The following ETFB variants were observed in gnomAD, a reference collection of about 807,000 sequenced individuals.
ETFB encodes the protein beta-ETF.
Under a neutral mutation model 25.6 loss-of-function variants are expected in ETFB, and 20 were observed. The ratio of observed to expected loss-of-function variants is 0.78; its 90% CI spans 0.55 to 1.14. The LOEUF (loss-of-function observed/expected upper bound fraction) is 1.14, where lower values mean the gene tolerates loss of function less well. ETFB is among the 50% of genes most tolerant of loss of function. ETFB has a pLI of 0.00. For synonymous variants in ETFB, 142 were observed against 146.7 expected, an observed-to-expected ratio of 0.97 and a Z score of 0.23; for missense variants, 286 against 342.6, an observed-to-expected ratio of 0.83 and a Z score of 1.30.
intron 3 of ETFB, 146 bp downstream of exon 3, chr19:51,352,986 A>G: frequency 1.0e-6 from 1 of 964,712 alleles, no homozygotes; most frequent in Non-Finnish European, 1.6e-6. Context: ...ACTCTCTGTC[A>G]GAAGGGTCAG....
At chr19:51,355,380 A>G (rs1292659917) in intron 1 of ETFB, 1 of 152,284 alleles carries the variant, frequency 6.6e-6, no homozygotes, top group Non-Finnish European at 1.5e-5. Context: ...TGCAAATCAA[A>G]ATCACAATGA....
chr19:51,349,974 T>C (rs1175119294), intron 4 of ETFB, among the ~76,000 whole-genome samples: 2 of 152,150 alleles, frequency 1.3e-5, no homozygotes, highest in Non-Finnish European at 2.9e-5. Context: ...CTCAAACTCC[T>C]CCTGACCTCA....
At chr19:51,350,507 C>T (rs1397212084) in intron 3 of ETFB, 116 bp from the exon 4 acceptor site, 13 of 662,628 alleles carry the variant, frequency 2.0e-5, no homozygotes, top group African/African-American at 3.6e-5. Context: ...CTTTTTGAGA[C>T]GGAGTCTTGC....
intron 1 of ETFB, among the ~76,000 whole-genome samples, chr19:51,363,019 A>C (rs1398043924): frequency 6.6e-6 from 1 of 152,158 alleles, no homozygotes; most frequent in East Asian, 1.9e-4. Context: ...CCACTCAGTT[A>C]GGTTGGCTCC....
At position 51,353,118 on chromosome 19, in the gene ETFB, C is replaced by A. The variant is rs757521352; in HGVS notation, c.375+14G>T. ...GATGAGCAAGGGGGCACAGGGAGGG[C>A]TGACCACAGCTACCTGTTTGCCCAG... On this transcript the variant is annotated intron_variant, in intron 3 of 5. Transcript: ENST00000309244. 6.2e-7 allele frequency: 1 copy of A among 1,613,774 alleles called. No homozygotes were observed. Among genetic ancestry groups the A allele is most frequent in the South Asian group, 1.1e-5 (1 of 91,090 alleles).
intron 4 of ETFB, among the ~76,000 whole-genome samples, chr19:51,349,637 G>T (rs898310466): frequency 1.3e-5 from 2 of 152,024 alleles, no homozygotes; most frequent in Non-Finnish European, 2.9e-5. Context: ...TAGAGATGGG[G>T]TCTAACTATG....
At chr19:51,358,809 AAAACAAAC>A (rs1252265256) in intron 1 of ETFB, among the ~76,000 whole-genome samples, 13 of 145,804 alleles carry the variant, frequency 8.9e-5, no homozygotes, top group Non-Finnish European at 1.8e-4. Context: ...ACTCCGCCTC[AAAACAAAC>A]AAACAAACAA....
At chr19:51,357,488 T>A in intron 1 of ETFB, among the ~76,000 whole-genome samples, 1 of 120,312 alleles carries the variant, frequency 8.3e-6, no homozygotes, top group South Asian at 3.0e-4. Context: ...TTTTCTTTCT[T>A]TCTTTTTTTT....
chr19:51,366,193 C>T, intron 1 of ETFB, 77 bp downstream of exon 1: 1 of 1,424,520 alleles, frequency 7.0e-7, no homozygotes, highest in African/African-American at 1.4e-5. Flanking sequence ...GAGAAGACCC[C>T]CACCCAGTGT....
At chr19:51,362,403 C>T (rs1354034968) in intron 1 of ETFB, among the ~76,000 whole-genome samples, 1 of 151,876 alleles carries the variant, frequency 6.6e-6, no homozygotes, top group African/African-American at 2.4e-5. Context: ...CATAGCAAAA[C>T]CTCGTTTCTA....
intron 1 of ETFB, among the ~76,000 whole-genome samples, chr19:51,363,252 G>A (rs1288222426): frequency 6.6e-6 from 1 of 152,088 alleles, no homozygotes; most frequent in Admixed American, 6.6e-5. Flanking sequence ...CCTCTCTGCA[G>A]GGAGCTACCA....
At position 51,353,372 on chromosome 19, in the gene ETFB, AC is replaced by A. The variant is rs1354918964; in HGVS notation, c.217-83del. ...TGGCTCGCAGCCCCTCCTTCCTCAG[AC>A]CCAGGAGTCCAGGGCCCCATCCCCT... is the stretch of plus-strand genomic sequence containing the variant. On this transcript the variant is annotated intron_variant, in intron 2 of 5. Coordinates refer to ENST00000309244, the MANE Select transcript of ETFB (RefSeq NM_001985.3). 1.1e-5 allele frequency: 15 copies of A among 1,358,942 alleles called. 1 individual carries two copies. Among genetic ancestry groups the A allele is most frequent in the Non-Finnish European group, 1.4e-5 (14 of 996,108 alleles). The allele number at this position is 1,358,942 out of a possible 1,614,324, so 84.2% of individuals were successfully genotyped here.
Position 51,345,347 on chromosome 19 carries a change from G to A in ETFB, c.632C>T (p.Pro211Leu). Residue 211 changes from proline to leucine, a missense_variant, in exon 6 of 6, where the codon CCT (proline) becomes CTT (leucine). By Grantham distance (98) the Pro-to-Leu change is moderately conservative (BLOSUM62 -3). Coordinates refer to ENST00000309244, the MANE Select transcript of ETFB (RefSeq NM_001985.3). ...GGTCAGGTCCACACCCAGGTCCCCA[G>A]GCTTGATCACCTCGATCTTCTTCTT... is the stretch of plus-strand genomic sequence containing the variant. The part of the protein sequence containing the change: ...AKKKKIEVIK[P>L]GDLGVDLTSK... 1 of 1,614,074 alleles carries A rather than the reference G, an allele frequency of 6.2e-7. No individual in the cohort carries two copies. The highest frequency in any genetic ancestry group is 8.5e-7 in the Non-Finnish European group (1 of 1,180,002).
intron 1 of ETFB, among the ~76,000 whole-genome samples, chr19:51,364,927 A>G (rs1986316315): frequency 6.6e-6 from 1 of 152,162 alleles, no homozygotes; most frequent in South Asian, 2.1e-4. Flanking sequence ...GGTGGCTCAC[A>G]CCTGTAATCC....
At chr19:51,349,417 A>G (rs1434794123) in intron 4 of ETFB, among the ~76,000 whole-genome samples, 2 of 151,528 alleles carry the variant, frequency 1.3e-5, no homozygotes, top group African/African-American at 4.8e-5. Flanking sequence ...TAGCTGTGAA[A>G]AATTTTAAAT....
chr19:51,360,462 A>G (rs575366640), intron 1 of ETFB, among the ~76,000 whole-genome samples: 88 of 152,252 alleles, frequency 5.8e-4, no homozygotes, highest in African/African-American at 2.0e-3. Context: ...CCATGCAGAC[A>G]ACGAGTCAAG....
chr19:51,348,253 T>C (rs8102664), intron 4 of ETFB: 70,845 of 151,914 alleles, frequency 0.47, 16,958 homozygotes, highest in African/African-American at 0.5. Flanking sequence ...CTGTCTCTAC[T>C]AAAAATACAA....
chr19:51,363,706 C>T (rs566711990), intron 1 of ETFB, among the ~76,000 whole-genome samples: 190 of 152,228 alleles, frequency 1.2e-3, no homozygotes, highest in African/African-American at 4.3e-3. Context: ...GCCTCAGCCT[C>T]ACAAAGTGCA....
intron 3 of ETFB, among the ~76,000 whole-genome samples, chr19:51,350,806 A>G (rs886514174): frequency 6.6e-6 from 1 of 152,236 alleles, no homozygotes; most frequent in African/African-American, 2.4e-5. Context: ...GAACAGATGT[A>G]GTAAATATCT....
Sources: allele counts gnomAD v4.1 joint callset (sites outside exome capture counted in the v4.1 genomes callset), GRCh38; gene constraint gnomAD v4.1.1; transcripts MANE v1.5; gene names NCBI Gene and HGNC (gene_info 2026-07-23, HGNC 2026-07-21).